RIMS1: variants seen among roughly 807,000 people sequenced by gnomAD.
RIMS1 encodes regulating synaptic membrane exocytosis protein 1.
A neutral mutation model predicts 214.1 loss-of-function variants in RIMS1; 83 were observed. That is an observed-to-expected ratio of 0.39 (90% CI 0.32 to 0.47). The LOEUF (loss-of-function observed/expected upper bound fraction) is 0.47, where lower values mean the gene tolerates loss of function less well. Among genes scored for constraint, RIMS1 ranks in the 20% least tolerant of loss-of-function variants. The pLI, the probability that RIMS1 is intolerant of heterozygous loss-of-function variation, is 0.99. For synonymous variants in RIMS1, 793 were observed against 786.8 expected, an observed-to-expected ratio of 1.01 and a Z score of -0.13; for missense variants, 2,050 against 2,161.8, an observed-to-expected ratio of 0.95 and a Z score of 1.03.
At chr6:72,159,644 G>A (rs1185517501) in intron 4 of RIMS1, among the ~76,000 whole-genome samples, 5 of 140,394 alleles carry the variant, frequency 3.6e-5, no homozygotes, top group African/African-American at 7.4e-5. Context: ...TATTAAATAG[G>A]GAATCCTTTC....
intron 24 of RIMS1, among the ~76,000 whole-genome samples, chr6:72,285,133 C>G (rs911457099): frequency 1.3e-5 from 2 of 152,108 alleles, no homozygotes; most frequent in South Asian, 4.1e-4. Flanking sequence ...CATCACTATG[C>G]CATGTTAATA....
rs1416476549 is a variant in RIMS1 at position 72,402,508 on chromosome 6, C to G, written c.*1794C>G. The stretch of plus-strand genomic sequence containing the variant: ...ACTGTGTACACACTAGGTTTTAATT[C>G]ATAGACATACTGCCTGCACCAAGTG... On this transcript the variant is annotated 3_prime_UTR_variant, in exon 34 of 34. Coordinates refer to ENST00000521978, the MANE Select transcript of RIMS1 (RefSeq NM_014989.7). The G allele has an allele frequency of 2.6e-5, 4 of 152,614 alleles. No individual in the cohort carries two copies. 9.5% of individuals were successfully genotyped at this position (152,614 alleles called of 1,614,324 possible).
chr6:72,182,900 G>T lies in RIMS1; in HGVS notation c.1429G>T (p.Asp477Tyr). 6.3e-7 allele frequency: 1 copy of T among 1,574,844 alleles called. No individual in the cohort carries two copies. The change falls in exon 6 of 34, where the codon GAC becomes TAC. Residue 477 changes from aspartate to tyrosine, a missense_variant. Asp to Tyr is a radical substitution (Grantham distance 160, BLOSUM62 -3). Around this residue, in one of 6 missense-constraint regions of RIMS1, gnomAD observed 882 missense variants for 828.9 expected, o/e 1.06. Transcript: ENST00000521978. ...QEPLRKQSRLDPSSAVLMRKA... is the reference protein window; with the variant it reads ...QEPLRKQSRLYPSSAVLMRKA... ...GCCCCTCAGGAAGCAGAGCCGCCTGGACCCCAGCTCGGCGGTCCTCATGCG... is the reference window on the plus strand; with the variant it reads ...GCCCCTCAGGAAGCAGAGCCGCCTGTACCCCAGCTCGGCGGTCCTCATGCG...
chr6:72,159,675 G>T (rs370416221), intron 4 of RIMS1, among the ~76,000 whole-genome samples: 1 of 140,262 alleles, frequency 7.1e-6, no homozygotes, highest in South Asian at 2.4e-4. Flanking sequence ...GTTTTTCTCA[G>T]GTTTGTCAAA....
At chr6:72,111,797 A>T (rs1010075105) in intron 4 of RIMS1, among the ~76,000 whole-genome samples, 9 of 152,084 alleles carry the variant, frequency 5.9e-5, no homozygotes, top group Non-Finnish European at 1.0e-4. Flanking sequence ...TAGCATTCCT[A>T]GTCTGCATTC....
intron 6 of RIMS1, among the ~76,000 whole-genome samples, chr6:72,210,948 TTA>T (rs1459862120): frequency 1.3e-5 from 2 of 152,182 alleles, no homozygotes; most frequent in Non-Finnish European, 2.9e-5. Context: ...GAATGAAATA[TTA>T]TGCAAGGCCG....
intron 4 of RIMS1, among the ~76,000 whole-genome samples, chr6:72,117,169 A>C (rs567221904): frequency 6.6e-6 from 1 of 152,042 alleles, no homozygotes; most frequent in African/African-American, 2.4e-5. Context: ...CAGAAATTTT[A>C]ATTCAGTAGG....
At chr6:71,987,840 T>C (rs1435196016) in intron 2 of RIMS1, among the ~76,000 whole-genome samples, 1 of 152,146 alleles carries the variant, frequency 6.6e-6, no homozygotes, top group East Asian at 1.9e-4. Flanking sequence ...TTGCCTGTGG[T>C]GTGTCATTGA....
chr6:72,087,181 T>C (rs1834874422), intron 2 of RIMS1, among the ~76,000 whole-genome samples: 1 of 152,164 alleles, frequency 6.6e-6, no homozygotes, highest in South Asian at 2.1e-4. Context: ...AATTACAAAC[T>C]TTATTTCTCA....
chr6:72,362,351 A>C (rs2097854901), intron 29 of RIMS1, among the ~76,000 whole-genome samples: 1 of 152,210 alleles, frequency 6.6e-6, no homozygotes, highest in African/African-American at 2.4e-5. Context: ...GACTGGCTCC[A>C]TGGTTCCCTT....
intron 1 of RIMS1, among the ~76,000 whole-genome samples, chr6:71,940,861 G>C (rs1184860650): frequency 2.0e-5 from 3 of 152,210 alleles, no homozygotes; most frequent in Middle Eastern, 3.4e-3. Flanking sequence ...CTTGAAAAAA[G>C]ACATGTTAGG....
intron 1 of RIMS1, among the ~76,000 whole-genome samples, chr6:71,925,850 A>G (rs1781423829): frequency 6.6e-6 from 1 of 152,236 alleles, no homozygotes; most frequent in Non-Finnish European, 1.5e-5. Context: ...TTGTCTTACC[A>G]ATTACATTAT....
chr6:72,351,530 G>A (rs994565138), intron 29 of RIMS1, among the ~76,000 whole-genome samples: 2 of 152,144 alleles, frequency 1.3e-5, no homozygotes, highest in Admixed American at 6.6e-5. Flanking sequence ...ACAAGAGACT[G>A]TGACACAGGA....
chr6:72,032,759 C>G (rs1390839063), intron 2 of RIMS1, among the ~76,000 whole-genome samples: 1 of 152,184 alleles, frequency 6.6e-6, no homozygotes, highest in African/African-American at 2.4e-5. Context: ...TTTCTACCCT[C>G]TATCTCACAT....
intron 1 of RIMS1, among the ~76,000 whole-genome samples, chr6:71,916,655 C>T (rs764727525): frequency 1.5e-4 from 23 of 152,122 alleles, no homozygotes; most frequent in Admixed American, 3.9e-4. Context: ...AGAATTATAG[C>T]GAACCGGAAT....
At chr6:71,895,126 C>A (rs1395407447) in intron 1 of RIMS1, among the ~76,000 whole-genome samples, 1 of 152,206 alleles carries the variant, frequency 6.6e-6, no homozygotes, top group African/African-American at 2.4e-5. Context: ...TACACACTCA[C>A]AAGTGGAAAC....
In RIMS1 at chr6:71,887,126, A is replaced by T; in HGVS notation, c.103A>T (p.Ile35Phe). Residue 35 changes from isoleucine (I) to phenylalanine (F), a missense_variant, in exon 1 of 34, where the codon ATT (isoleucine) becomes TTT (phenylalanine). Physicochemically the swap from Ile to Phe is conservative, Grantham distance 21 (BLOSUM62 0). Transcript: ENST00000521978. Reference protein sequence around the residue: ...LSHLTEEERNIIMAVMDRQKE... With the variant: ...LSHLTEEERNFIMAVMDRQKE... ...CCACCTGACCGAAGAGGAGAGGAAC[A>T]TTATCATGGCAGTGATGGACCGGCA... 6.2e-7 allele frequency: 1 copy of T among 1,613,452 alleles called. No homozygotes were observed. Among genetic ancestry groups the T allele is most frequent in the Non-Finnish European group, 8.5e-7 (1 of 1,179,660 alleles).
intron 26 of RIMS1, among the ~76,000 whole-genome samples, chr6:72,298,935 C>CATAG (rs2094361039): frequency 6.6e-6 from 1 of 151,934 alleles, no homozygotes; most frequent in African/African-American, 2.4e-5. Context: ...TATAAATGTT[C>CATAG]ATAGTACTTT....
intron 1 of RIMS1, among the ~76,000 whole-genome samples, chr6:71,918,370 G>A (rs1020911314): frequency 3.3e-5 from 5 of 152,140 alleles, no homozygotes; most frequent in African/African-American, 1.2e-4. Flanking sequence ...TGCTTCTGAG[G>A]AAGGGAGTAA....
Sources: gnomAD v4.1 joint callset for allele counts (sites outside exome capture counted in the v4.1 genomes callset) on GRCh38, gnomAD v4.1.1 for gene constraint, gnomAD v4.1.1 regional missense constraint, MANE v1.5 for transcripts, NCBI Gene and HGNC (gene_info 2026-07-23, HGNC 2026-07-21) for gene names.